ZZZ3: variants seen among roughly 807,000 people sequenced by gnomAD.
ZZZ3 encodes the protein zinc finger ZZ-type containing 3, also known as ZZ-type zinc finger-containing protein 3.
Under a neutral mutation model 95.2 loss-of-function variants are expected in ZZZ3, and 22 were observed. The ratio of observed to expected loss-of-function variants is 0.23; its 90% confidence interval spans 0.17 to 0.33. ZZZ3 has a LOEUF of 0.33. Ranked by LOEUF, ZZZ3 falls within the 10% of genes least tolerant of loss-of-function variation. The pLI is 1.00. For missense variants in ZZZ3, 885 were observed against 1,066.5 expected, an observed-to-expected ratio of 0.83 and a Z score of 2.37; for synonymous variants, 335 against 358.9, an observed-to-expected ratio of 0.93 and a Z score of 0.75.
chr1:77,593,510 T>C (rs1663924697), intron 5 of ZZZ3, among the ~76,000 whole-genome samples: 1 of 152,124 alleles, frequency 6.6e-6, no homozygotes. Context: ...TGGTTACAAG[T>C]TTTTAAAACA....
chr1:77,658,377 T>C (rs1670476139), intron 1 of ZZZ3, among the ~76,000 whole-genome samples: 1 of 152,062 alleles, frequency 6.6e-6, no homozygotes, highest in African/African-American at 2.4e-5. Flanking sequence ...GGTCTCACTC[T>C]GTCACCCAGG....
intron 5 of ZZZ3, among the ~76,000 whole-genome samples, chr1:77,595,204 G>T (rs1181075676): frequency 6.6e-6 from 1 of 151,898 alleles, no homozygotes; most frequent in Non-Finnish European, 1.5e-5. Flanking sequence ...TTTAAATATT[G>T]AAAAATAAGA....
Position 77,564,073 on chromosome 1 carries a change from A to AT in ZZZ3, c.*1566dup, listed in dbSNP as rs1660627971. Reference sequence around the variant, plus strand: ...CAAATATAACAATCAATCTTAGAATATTTATACTATCTTTTCCTATAGTTA... The same window carrying AT: ...CAAATATAACAATCAATCTTAGAATATTTTATACTATCTTTTCCTATAGTTA... On this transcript the variant is annotated 3_prime_UTR_variant, in exon 15 of 15. Coordinates refer to ENST00000370801, the MANE Select transcript of ZZZ3 (RefSeq NM_015534.6). The AT allele has an allele frequency of 6.6e-6, 1 of 152,134 alleles. No individual in the cohort carries two copies. Among genetic ancestry groups the AT allele is most frequent in the Non-Finnish European group, 1.5e-5 (1 of 67,996 alleles). The allele number at this position is 152,134 out of a possible 1,614,324, so 9.4% of individuals were successfully genotyped here.
At chr1:77,648,717 A>C (rs1669527121) in intron 1 of ZZZ3, among the ~76,000 whole-genome samples, 1 of 152,242 alleles carries the variant, frequency 6.6e-6, no homozygotes, top group Admixed American at 6.5e-5. Flanking sequence ...AATATCATCA[A>C]GACGCCTAAA....
At chr1:77,648,118 G>A (rs556537806) in intron 1 of ZZZ3, among the ~76,000 whole-genome samples, 2 of 152,186 alleles carry the variant, frequency 1.3e-5, no homozygotes, top group Non-Finnish European at 2.9e-5. Context: ...CAACACTTTG[G>A]GAGGCCAAGG....
chr1:77,671,517 G>C (rs1289434131), intron 1 of ZZZ3, among the ~76,000 whole-genome samples: 1 of 152,138 alleles, frequency 6.6e-6, no homozygotes, highest in Non-Finnish European at 1.5e-5. Context: ...TCCACAGTTT[G>C]AGTGCTTAGG....
chr1:77,634,896 C>T (rs1668155831), intron 4 of ZZZ3, among the ~76,000 whole-genome samples: 1 of 152,136 alleles, frequency 6.6e-6, no homozygotes, highest in South Asian at 2.1e-4. Context: ...ATTTTATTTC[C>T]TAACTTTGAA....
chr1:77,613,485 T>C (rs1435483798), intron 5 of ZZZ3, among the ~76,000 whole-genome samples: 1 of 151,980 alleles, frequency 6.6e-6, no homozygotes, highest in East Asian at 1.9e-4. Flanking sequence ...AGCATCTATT[T>C]TTAAACGCTG....
chr1:77,648,244 G>C (rs1245040974), intron 1 of ZZZ3, among the ~76,000 whole-genome samples: 1 of 151,618 alleles, frequency 6.6e-6, no homozygotes, highest in Non-Finnish European at 1.5e-5. Context: ...AGGTTCTTGG[G>C]AGGCCGAGGT....
At position 77,639,540 on chromosome 1, in the gene ZZZ3, G is replaced by C; in HGVS notation, c.-143C>G. On this transcript the variant is annotated 5_prime_UTR_variant, in exon 4 of 15. Coordinates refer to ENST00000370801, the MANE Select transcript of ZZZ3 (RefSeq NM_015534.6). Reference sequence around the variant, plus strand: ...AGCTATGATCTAGAATGGAGCTTAAGCATCAGGGTTTCAGACTCTCTCAGC... The same window carrying C: ...AGCTATGATCTAGAATGGAGCTTAACCATCAGGGTTTCAGACTCTCTCAGC... The C allele has an allele frequency of 7.8e-7, 1 of 1,287,954 alleles. No homozygotes were observed. Among genetic ancestry groups the C allele is most frequent in the Admixed American group, 3.1e-5 (1 of 32,126 alleles). The allele number at this position is 1,287,954 out of a possible 1,614,324, so 79.8% of individuals were successfully genotyped here.
At chr1:77,591,933 G>A (rs556108299) in intron 5 of ZZZ3, among the ~76,000 whole-genome samples, 8 of 152,248 alleles carry the variant, frequency 5.3e-5, no homozygotes, top group South Asian at 2.1e-4. Flanking sequence ...CTTGAGGACA[G>A]GTACTGAACC....
rs748154236 is a variant in ZZZ3 at position 77,584,518 on chromosome 1, T to G, written c.1643A>C (p.Lys548Thr). The G allele has an allele frequency of 3.0e-5, 48 of 1,606,936 alleles. No homozygotes were observed. The highest frequency in any genetic ancestry group is 1.7e-4 in the Middle Eastern group (1 of 6,034). ...TCTTAAAAACAGTTCAATGTATACC[T>G]TCTTCTGGAGTTTTTCCACAAATCC... ...PIGFVEKLQKKADIGLPYPQR... is the reference protein window; with the variant it reads ...PIGFVEKLQKTADIGLPYPQR... Residue 548 changes from lysine to threonine, a missense_variant and splice_region_variant, in exon 6 of 15, where the codon AAG becomes ACG. By Grantham distance (78) the Lys-to-Thr change is moderately conservative. This residue lies in a region of ZZZ3 where 556 missense variants were observed against 652.9 expected (regional missense o/e 0.85). Transcript: ENST00000370801.
At chr1:77,621,378 G>GGCTGCAGTGAGCCATGATTGTGTC (rs1553174206) in intron 5 of ZZZ3, among the ~76,000 whole-genome samples, 3 of 151,494 alleles carry the variant, frequency 2.0e-5, no homozygotes, top group African/African-American at 7.3e-5. Flanking sequence ...AGGAGTTCAA[G>GGCTGCAGTGAGCCATGATTGTGTC]GCTGCAGTGA....
intron 1 of ZZZ3, among the ~76,000 whole-genome samples, chr1:77,673,314 C>T (rs978403407): frequency 6.6e-6 from 1 of 152,040 alleles, no homozygotes; most frequent in Non-Finnish European, 1.5e-5. Context: ...TTGCACTTTA[C>T]GGCCAGGCAG....
chr1:77,603,470 G>A (rs1008357345), intron 5 of ZZZ3, among the ~76,000 whole-genome samples: 1 of 152,152 alleles, frequency 6.6e-6, no homozygotes, highest in Non-Finnish European at 1.5e-5. Context: ...AGTGAAGATT[G>A]TATTTCTCTT....
At chr1:77,648,535 G>C (rs931756121) in intron 1 of ZZZ3, among the ~76,000 whole-genome samples, 1 of 151,980 alleles carries the variant, frequency 6.6e-6, no homozygotes, top group Non-Finnish European at 1.5e-5. Context: ...GTAGAGATAC[G>C]TAAGTCTTTT....
At chr1:77,627,655 C>A (rs1007868145) in intron 5 of ZZZ3, among the ~76,000 whole-genome samples, 1 of 152,140 alleles carries the variant, frequency 6.6e-6, no homozygotes, top group East Asian at 1.9e-4. Context: ...AACTCTTAAA[C>A]GTGACTTGAA....
At chr1:77,680,477 T>C (rs967424231) in intron 1 of ZZZ3, among the ~76,000 whole-genome samples, 1 of 152,208 alleles carries the variant, frequency 6.6e-6, no homozygotes, top group African/African-American at 2.4e-5. Flanking sequence ...CTCACTTCTA[T>C]TCCTCAACAT....
chr1:77,567,019 G>C (rs969552168), intron 13 of ZZZ3, among the ~76,000 whole-genome samples: 1 of 152,094 alleles, frequency 6.6e-6, no homozygotes, highest in Non-Finnish European at 1.5e-5. Context: ...GGAGAAACAG[G>C]GTCACTGAAA....
Sources: gnomAD v4.1 joint callset for allele counts (sites outside exome capture counted in the v4.1 genomes callset) on GRCh38, gnomAD v4.1.1 for gene constraint, gnomAD v4.1.1 regional missense constraint, MANE v1.5 for transcripts, NCBI Gene and HGNC (gene_info 2026-07-23, HGNC 2026-07-21) for gene names.